GRAMD1B: variants seen among roughly 807,000 people sequenced by gnomAD.
The protein encoded by GRAMD1B is protein Aster-B.
In GRAMD1B, 37 loss-of-function variants were observed where a neutral mutation model predicts 99.7. The ratio of observed to expected loss-of-function variants is 0.37; its 90% confidence interval spans 0.29 to 0.49. The LOEUF (loss-of-function observed/expected upper bound fraction) is 0.49, where lower values mean the gene tolerates loss of function less well. Ranked by LOEUF, GRAMD1B falls within the 20% of genes least tolerant of loss-of-function variation. GRAMD1B has a pLI of 0.98. For missense variants in GRAMD1B, 888 were observed against 1,009.2 expected (o/e 0.88, Z 1.63); for synonymous variants, 427 against 387.6 (o/e 1.10, Z -1.19).
chr11:123,565,658 G>C (rs73027979), intron 2 of GRAMD1B, among the ~76,000 whole-genome samples: 4,258 of 151,930 alleles, frequency 0.028, 82 homozygotes, highest in Middle Eastern at 0.048. Flanking sequence ...TCTGTCAGTG[G>C]AGATCTGAAG....
chr11:123,497,640 C>T (rs183441476), intron 2 of GRAMD1B, among the ~76,000 whole-genome samples: 8 of 152,262 alleles, frequency 5.3e-5, no homozygotes, highest in Non-Finnish European at 1.0e-4. Flanking sequence ...CTGTGGCTCA[C>T]GCCTGTAATC....
chr11:123,363,335 T>G (rs1363796601), intron 1 of GRAMD1B, among the ~76,000 whole-genome samples: 1 of 152,124 alleles, frequency 6.6e-6, no homozygotes, highest in African/African-American at 2.4e-5. Flanking sequence ...AGTGCTGGGG[T>G]GGCTGAATAT....
chr11:123,554,983 G>C (rs1054193926), intron 2 of GRAMD1B, among the ~76,000 whole-genome samples: 1 of 152,194 alleles, frequency 6.6e-6, no homozygotes, highest in Non-Finnish European at 1.5e-5. Context: ...ACATAAGCTG[G>C]AAACTGCCCA....
intron 1 of GRAMD1B, among the ~76,000 whole-genome samples, chr11:123,444,116 G>T (rs1434282153): frequency 6.6e-6 from 1 of 152,152 alleles, no homozygotes; most frequent in Non-Finnish European, 1.5e-5. Flanking sequence ...GGATTAGGAA[G>T]GTCTGGAAGG....
intron 4 of GRAMD1B, among the ~76,000 whole-genome samples, chr11:123,593,545 A>G (rs1466885508): frequency 6.6e-6 from 1 of 150,524 alleles, no homozygotes; most frequent in East Asian, 2.0e-4. Context: ...TGTTTTTTTA[A>G]TTCTCTATCT....
intron 1 of GRAMD1B, among the ~76,000 whole-genome samples, chr11:123,432,776 A>G (rs962107147): frequency 6.6e-6 from 1 of 152,094 alleles, no homozygotes; most frequent in African/African-American, 2.4e-5. Flanking sequence ...AATATGAAGA[A>G]TGGCAGGAGA....
At chr11:123,366,539 G>T (rs1177646672) in intron 1 of GRAMD1B, among the ~76,000 whole-genome samples, 1 of 152,172 alleles carries the variant, frequency 6.6e-6, no homozygotes, top group African/African-American at 2.4e-5. Context: ...CAAACCTTTG[G>T]GCTACGTTGT....
intron 1 of GRAMD1B, among the ~76,000 whole-genome samples, chr11:123,469,588 G>A (rs1182803922): frequency 6.6e-6 from 1 of 152,112 alleles, no homozygotes; most frequent in Non-Finnish European, 1.5e-5. Context: ...TCAGTGGTGG[G>A]AATGCTCAGT....
rs1227430707 is a variant in GRAMD1B at position 123,603,465 on chromosome 11, T to C, written c.1090T>C (p.Cys364Arg). The C allele has an allele frequency of 6.2e-7, 1 of 1,613,332 alleles. No homozygotes were observed. The highest frequency in any genetic ancestry group is 8.5e-7 in the Non-Finnish European group (1 of 1,179,274). Reference protein sequence around the residue: ...PKELWHFVHQCYGNELGLTSD... With the variant: ...PKELWHFVHQRYGNELGLTSD... ...GGAGCTCTGGCACTTTGTTCACCAG[T>C]GCTATGGGAACGAATTGGGCCTGAC... Residue 364 changes from cysteine to arginine, a missense_variant, in exon 9 of 20, where the codon TGC becomes CGC. By Grantham distance (180) the Cys-to-Arg change is radical. Transcript: ENST00000635736.
intron 1 of GRAMD1B, among the ~76,000 whole-genome samples, chr11:123,474,788 A>C (rs989656892): frequency 6.6e-6 from 1 of 152,236 alleles, no homozygotes; most frequent in African/African-American, 2.4e-5. Context: ...TCTAATTAGC[A>C]TGAGATAATT....
At chr11:123,406,496 C>T (rs1947862349) in intron 1 of GRAMD1B, among the ~76,000 whole-genome samples, 1 of 152,038 alleles carries the variant, frequency 6.6e-6, no homozygotes, top group Non-Finnish European at 1.5e-5. Flanking sequence ...TTGTGATCCA[C>T]CTGCCTTGGC....
chr11:123,505,598 ATAT>A (rs922736247), intron 2 of GRAMD1B, among the ~76,000 whole-genome samples: 4 of 152,214 alleles, frequency 2.6e-5, no homozygotes, highest in African/African-American at 7.2e-5. Context: ...GACTTGAATA[ATAT>A]TATTATCCCT....
chr11:123,388,983 T>C (rs1434158530), intron 1 of GRAMD1B, among the ~76,000 whole-genome samples: 2 of 152,206 alleles, frequency 1.3e-5, no homozygotes, highest in Non-Finnish European at 2.9e-5. Flanking sequence ...CACATTGATA[T>C]TATAATAGTA....
chr11:123,414,331 C>A (rs1289084908), intron 1 of GRAMD1B, among the ~76,000 whole-genome samples: 1 of 152,116 alleles, frequency 6.6e-6, no homozygotes, highest in East Asian at 1.9e-4. Context: ...AGGCATGAGC[C>A]ACCTAGTCCA....
intron 2 of GRAMD1B, among the ~76,000 whole-genome samples, chr11:123,529,528 T>G (rs2135525440): frequency 6.6e-6 from 1 of 152,304 alleles, no homozygotes. Flanking sequence ...CTATGATTTC[T>G]TCTACTGGTA....
In GRAMD1B at chr11:123,369,838, TTCCAGCCTGGGCAC is replaced by T. The variant is rs570677376; in HGVS notation, c.-176+11053_-176+11066del. On this transcript the variant is annotated intron_variant, in intron 1 of 20. Coordinates refer to the GRAMD1B transcript ENST00000638157. ...AATGAACCGAGTTCCCGCCACTGCA[TTCCAGCCTGGGCAC>T]TCCAGCCTGGGCAACAGTGAGACCC... Among the ~76,000 whole-genome samples the T allele has an allele frequency of 2.4e-3, 357 of 151,066 alleles. 1 individual carries two copies. The Middle Eastern group carries it at 0.024, about 10-fold the overall frequency.
At chr11:123,448,801 G>T (rs540687569) in intron 1 of GRAMD1B, among the ~76,000 whole-genome samples, 1 of 152,190 alleles carries the variant, frequency 6.6e-6, no homozygotes, top group Non-Finnish European at 1.5e-5. Flanking sequence ...CCAAGCAAAT[G>T]TTCCTCAAGC....
intron 2 of GRAMD1B, chr11:123,526,272 C>A: frequency 1.0e-6 from 1 of 1,003,336 alleles, no homozygotes. Flanking sequence ...TGCCATCTCA[C>A]CAGGCATCGA....
At position 123,522,651 on chromosome 11, in the gene GRAMD1B, C is replaced by T. The variant is rs954873635; in HGVS notation, c.452+41758C>T. 2.0e-5 allele frequency among the ~76,000 whole-genome samples: 3 copies of T among 152,192 alleles called. No homozygotes were observed. In the East Asian group the frequency reaches 5.8e-4, roughly 29 times the overall value. On this transcript the variant is annotated intron_variant, in intron 2 of 19. Transcript: ENST00000635736. ...TCTTTACGGACCACAAAAATGGAAC[C>T]TGTCCCCAGGGCCCTGTGAGAAGCT... is the stretch of plus-strand genomic sequence containing the variant.
Sources: allele counts gnomAD v4.1 joint callset (sites outside exome capture counted in the v4.1 genomes callset), GRCh38; gene constraint gnomAD v4.1.1; transcripts MANE v1.5; gene names NCBI Gene and HGNC (gene_info 2026-07-23, HGNC 2026-07-21).